TMEM179B: variants seen among roughly 807,000 people sequenced by gnomAD.
The protein encoded by TMEM179B is transmembrane protein 179B.
Under a neutral mutation model 18.0 loss-of-function variants are expected in TMEM179B, and 13 were observed. That is an observed-to-expected ratio of 0.72 (90% CI 0.47 to 1.15). TMEM179B has a LOEUF of 1.15. Among genes scored for constraint, TMEM179B ranks in the 50% most tolerant of loss-of-function variants. The probability of loss-of-function intolerance (pLI) is 0.00; values close to 1 mark genes in which losing one functional copy is unlikely to be tolerated. For missense variants in TMEM179B, 320 were observed against 270.6 expected, an observed-to-expected ratio of 1.18 and a Z score of -1.28; for synonymous variants, 159 against 117.5, an observed-to-expected ratio of 1.35 and a Z score of -2.29.
intron 1 of TMEM179B, chr11:62,787,985 G>A: frequency 2.1e-6 from 1 of 465,854 alleles, no homozygotes; most frequent in South Asian, 1.5e-5. Flanking sequence ...AGAAAACGCT[G>A]ACGTAAAGGT....
intron 3 of TMEM179B, 54 bp from the exon 4 acceptor site, chr11:62,789,547 T>A: frequency 6.4e-7 from 1 of 1,564,630 alleles, no homozygotes; most frequent in Non-Finnish European, 8.7e-7. Flanking sequence ...GGCACAGGTG[T>A]GCCTCGGATA....
intron 1 of TMEM179B, 47 bp downstream of exon 1, chr11:62,787,574 T>C: frequency 6.7e-7 from 1 of 1,487,614 alleles, no homozygotes; most frequent in Non-Finnish European, 8.9e-7. Context: ...CTGGCCGGTC[T>C]GGACATGGCG....
chr11:62,789,483 G>T, intron 3 of TMEM179B, 57 bp downstream of exon 3: 1 of 1,609,838 alleles, frequency 6.2e-7, no homozygotes, highest in South Asian at 1.1e-5. Context: ...TCTGCAGCGG[G>T]GTCCTATAAT....
intron 1 of TMEM179B, among the ~76,000 whole-genome samples, chr11:62,788,213 G>A (rs904736302): frequency 1.3e-5 from 2 of 151,854 alleles, no homozygotes; most frequent in Non-Finnish European, 2.9e-5. Flanking sequence ...GACCAGCCTG[G>A]CCAACATGGC....
Position 62,789,355 on chromosome 11 carries a change from G to A in TMEM179B, c.348G>A (p.Val116=), listed in dbSNP as rs2084331189. The change falls in exon 3 of 5, where the codon GTG becomes GTA. Residue 116 remains valine (V), a synonymous_variant. Transcript: ENST00000333449. The part of the protein sequence containing the change: ...ISAIAVFLVL[V]SACILRFGTR... ...CTATAGCCGTCTTCCTGGTCTTGGT[G>A]TCTGCCTGTATCCTTCGATTTGGCA... 1 of 1,613,890 alleles carries A rather than the reference G, an allele frequency of 6.2e-7. No homozygotes were observed. The highest frequency in any genetic ancestry group is 8.5e-7 in the Non-Finnish European group (1 of 1,180,006).
In TMEM179B at chr11:62,787,515, G is replaced by A; in HGVS notation, c.84G>A (p.Met28Ile). 1 of 1,575,770 alleles carries A rather than the reference G, an allele frequency of 6.3e-7. No homozygotes were observed. Among genetic ancestry groups the A allele is most frequent in the South Asian group, 1.1e-5 (1 of 88,268 alleles). The change falls in exon 1 of 5, where the codon ATG (methionine) becomes ATA (isoleucine). Residue 28 changes from methionine to isoleucine, a missense_variant. Transcript: ENST00000333449. The stretch of plus-strand genomic sequence containing the variant: ...GCGGGGCCGTGGCGGCCGCGGCGAT[G>A]ACTCGGACCCAGGTGCGGCTGCGGG... ...FLCGAVAAAA[M>I]TRTQGSFSGR...
At chr11:62,789,756 T>A in intron 4 of TMEM179B, 77 bp downstream of exon 4, 4 of 1,510,778 alleles carry the variant, frequency 2.6e-6, no homozygotes, top group Non-Finnish European at 3.6e-6. Context: ...TATTGTGAGC[T>A]TGGCCTACCA....
At chr11:62,788,783 C>T (rs1005243987) in intron 1 of TMEM179B, among the ~76,000 whole-genome samples, 2 of 151,910 alleles carry the variant, frequency 1.3e-5, no homozygotes, top group Non-Finnish European at 2.9e-5. Context: ...TGTGAGGCTT[C>T]TCTGAAGCTC....
chr11:62,790,146 C>G lies in TMEM179B; in HGVS notation c.*99C>G. The stretch of plus-strand genomic sequence containing the variant: ...GTTTATGTTGGGAGTCTTAGTTTTC[C>G]TTTCGTTGGGGGGTGGGGGGGAAAC... On this transcript the variant is annotated 3_prime_UTR_variant, in exon 5 of 5. Coordinates refer to ENST00000333449, the MANE Select transcript of TMEM179B (RefSeq NM_199337.3). The G allele has an allele frequency of 2.6e-6, 3 of 1,160,218 alleles. No homozygotes were observed. Among genetic ancestry groups the G allele is most frequent in the Non-Finnish European group, 3.5e-6 (3 of 856,476 alleles). The allele number at this position is 1,160,218 out of a possible 1,614,324, so 71.9% of individuals were successfully genotyped here. A position where few individuals can be genotyped will look rare whatever the true frequency, so the allele number is the denominator to read the frequency against.
At chr11:62,787,673 T>C (rs2084303686) in intron 1 of TMEM179B, 146 bp downstream of exon 1, 1 of 1,090,562 alleles carries the variant, frequency 9.2e-7, no homozygotes, top group Non-Finnish European at 1.3e-6. Flanking sequence ...GTACCTGAAA[T>C]GCAGCGAGGC....
Position 62,790,119 on chromosome 11 carries a change from C to A in TMEM179B, c.*72C>A. The A allele has an allele frequency of 8.3e-7, 1 of 1,208,792 alleles. No individual in the cohort carries two copies. Among genetic ancestry groups the A allele is most frequent in the South Asian group, 1.7e-5 (1 of 58,776 alleles). The allele number at this position is 1,208,792 out of a possible 1,614,324, so 74.9% of individuals were successfully genotyped here. A position where few individuals can be genotyped will look rare whatever the true frequency, so the allele number is the denominator to read the frequency against. On this transcript the variant is annotated 3_prime_UTR_variant, in exon 5 of 5. Transcript: ENST00000333449. ...GCCTGTAATCCCCCCCCTCAAGGCC[C>A]TGTTTATGTTGGGAGTCTTAGTTTT...
At position 62,790,004 on chromosome 11, in the gene TMEM179B, CTG is replaced by C; in HGVS notation, c.618_619del (p.Glu207AspfsTer56). The C allele has an allele frequency of 1.2e-6, 2 of 1,614,034 alleles. No homozygotes were observed. Among genetic ancestry groups the C allele is most frequent in the South Asian group, 2.2e-5 (2 of 91,076 alleles). ...GAGAGGGGTGACCCTGAGTGGAGCT[CTG>C]AGACAGATGCTCTCGTTGGGTCACG... On this transcript the variant is annotated frameshift_variant, in exon 5 of 5. Transcript: ENST00000333449. LOFTEE classifies it high-confidence loss of function.
chr11:62,789,853 C>G (rs747955271), intron 4 of TMEM179B, 33 bp from the exon 5 acceptor site: 3 of 1,600,886 alleles, frequency 1.9e-6, no homozygotes, highest in Non-Finnish European at 2.6e-6. Flanking sequence ...GAAATGGTCC[C>G]ACTCCTGACG....
In TMEM179B at chr11:62,790,113, A is replaced by G; in HGVS notation, c.*66A>G. ...CCAAGTGCCTGTAATCCCCCCCCTC[A>G]AGGCCCTGTTTATGTTGGGAGTCTT... On this transcript the variant is annotated 3_prime_UTR_variant, in exon 5 of 5. Transcript: ENST00000333449. 7.4e-7 allele frequency: 1 copy of G among 1,356,436 alleles called. No homozygotes were observed. Among genetic ancestry groups the G allele is most frequent in the Non-Finnish European group, 9.8e-7 (1 of 1,020,348 alleles). 84.0% of individuals were successfully genotyped at this position (1,356,436 alleles called of 1,614,324 possible). A position where few individuals can be genotyped will look rare whatever the true frequency, so the allele number is the denominator to read the frequency against.
At chr11:62,789,464 T>TAC (rs908735482) in intron 3 of TMEM179B, 38 bp downstream of exon 3, 1 of 1,613,130 alleles carries the variant, frequency 6.2e-7, no homozygotes, top group Non-Finnish European at 8.5e-7. Context: ...TGGGGCTGAC[T>TAC]ACCTTCCCTC....
intron 4 of TMEM179B, 26 bp from the exon 5 acceptor site, chr11:62,789,860 G>T: frequency 6.2e-7 from 1 of 1,605,966 alleles, no homozygotes; most frequent in East Asian, 2.2e-5. Flanking sequence ...TCCCACTCCT[G>T]ACGATCCTGT....
chr11:62,789,261 T>A (rs1462219791), intron 2 of TMEM179B, 31 bp from the exon 3 acceptor site: 1 of 1,613,938 alleles, frequency 6.2e-7, no homozygotes, highest in South Asian at 1.1e-5. Context: ...GAGCCTCACC[T>A]CCACCACAAG....
rs1170532418 is a variant in TMEM179B at position 62,789,885 on chromosome 11, G to T, written c.499-1G>T. 11 of 1,612,944 alleles carry T rather than the reference G, an allele frequency of 6.8e-6. No individual in the cohort carries two copies. Among genetic ancestry groups the T allele is most frequent in the Non-Finnish European group, 9.3e-6 (11 of 1,179,394 alleles). ...GACGATCCTGTCCCTGTCTCCTACA[G>T]ACCTCTTCTTGGGTGAATTTGGTAT... On this transcript the variant is annotated splice_acceptor_variant, in intron 4 of 4. Coordinates refer to ENST00000333449, the MANE Select transcript of TMEM179B (RefSeq NM_199337.3). LOFTEE classifies it high-confidence loss of function.
At chr11:62,789,258 A>G (rs2134741323) in intron 2 of TMEM179B, 34 bp from the exon 3 acceptor site, 1 of 1,613,674 alleles carries the variant, frequency 6.2e-7, no homozygotes, top group Non-Finnish European at 8.5e-7. Context: ...GATGAGCCTC[A>G]CCTCCACCAC....
Sources: gnomAD v4.1 joint callset for allele counts (sites outside exome capture counted in the v4.1 genomes callset) on GRCh38, gnomAD v4.1.1 for gene constraint, MANE v1.5 for transcripts, NCBI Gene and HGNC (gene_info 2026-07-23, HGNC 2026-07-21) for gene names.